PARD3: variants seen among roughly 807,000 people sequenced by gnomAD.
PARD3 encodes par-3 family cell polarity regulator.
In PARD3, 75 loss-of-function variants were observed where a neutral mutation model predicts 155.4. That is an observed-to-expected ratio of 0.48 (90% CI 0.40 to 0.58). PARD3 has a LOEUF of 0.58. Ranked by LOEUF, PARD3 falls within the 20% of genes least tolerant of loss-of-function variation. The probability of loss-of-function intolerance (pLI) is 0.00; values close to 1 mark genes in which losing one functional copy is unlikely to be tolerated. For synonymous variants in PARD3, 576 were observed against 610.5 expected (o/e 0.94, Z 0.83); for missense variants, 1,642 against 1,721.7 (o/e 0.95, Z 0.82).
chr10:34,681,406 GGAGAGAAAGTTA>G (rs1394146243), intron 2 of PARD3, among the ~76,000 whole-genome samples: 1 of 151,868 alleles, frequency 6.6e-6, no homozygotes, highest in Non-Finnish European at 1.5e-5. Context: ...CTTTGGGGAG[GGAGAGAAAGTTA>G]GAACTAGCCC....
intron 1 of PARD3, among the ~76,000 whole-genome samples, chr10:34,770,706 GA>G (rs1838748685): frequency 6.6e-6 from 1 of 152,162 alleles, no homozygotes; most frequent in Non-Finnish European, 1.5e-5. Flanking sequence ...ATCTAATCTA[GA>G]ACTTTTGCTT....
chr10:34,480,155 G>A (rs1032493835), intron 3 of PARD3, among the ~76,000 whole-genome samples: 1 of 152,236 alleles, frequency 6.6e-6, no homozygotes, highest in Admixed American at 6.5e-5. Context: ...GCACAGATAG[G>A]TGTGGAGGAT....
At chr10:34,489,187 A>C (rs1205456212) in intron 3 of PARD3, among the ~76,000 whole-genome samples, 2 of 152,018 alleles carry the variant, frequency 1.3e-5, no homozygotes, top group Non-Finnish European at 2.9e-5. Context: ...AAAATACAAA[A>C]ATTAGTTGGG....
intron 2 of PARD3, among the ~76,000 whole-genome samples, chr10:34,681,366 T>C (rs559227516): frequency 6.6e-6 from 1 of 152,156 alleles, no homozygotes; most frequent in South Asian, 2.1e-4. Context: ...TTGTGTTAAC[T>C]AAAGGTAGAA....
intron 1 of PARD3, among the ~76,000 whole-genome samples, chr10:34,766,092 A>C (rs1250719092): frequency 2.0e-5 from 3 of 152,374 alleles, no homozygotes; most frequent in East Asian, 3.9e-4. Flanking sequence ...ATGAATCAAC[A>C]GTCCAAGTTA....
At chr10:34,374,541 C>T (rs955754949) in intron 11 of PARD3, among the ~76,000 whole-genome samples, 12 of 152,072 alleles carry the variant, frequency 7.9e-5, no homozygotes, top group Non-Finnish European at 1.6e-4. Flanking sequence ...AAGCTTTCAG[C>T]GACAGTCTGT....
chr10:34,619,475 T>C (rs2091481717), intron 2 of PARD3, among the ~76,000 whole-genome samples: 2 of 152,250 alleles, frequency 1.3e-5, no homozygotes. Flanking sequence ...CAAATATTTA[T>C]TGAATGAATA....
intron 22 of PARD3, among the ~76,000 whole-genome samples, chr10:34,216,020 T>C (rs1951986994): frequency 6.6e-6 from 1 of 152,104 alleles, no homozygotes; most frequent in Non-Finnish European, 1.5e-5. Flanking sequence ...GTATTAGAAA[T>C]ACAAAGAGAG....
chr10:34,362,721 C>T (rs1200674836), intron 12 of PARD3, among the ~76,000 whole-genome samples: 2 of 152,202 alleles, frequency 1.3e-5, no homozygotes, highest in African/African-American at 4.8e-5. Flanking sequence ...TTTCAGACTC[C>T]TGGGCTCAAG....
intron 7 of PARD3, among the ~76,000 whole-genome samples, chr10:34,391,950 G>A (rs1281615677): frequency 1.3e-5 from 2 of 152,170 alleles, no homozygotes; most frequent in East Asian, 3.9e-4. Context: ...GAGCTCAGGA[G>A]TTCCAGATCA....
At chr10:34,727,726 C>A (rs979262936) in intron 1 of PARD3, among the ~76,000 whole-genome samples, 1 of 152,126 alleles carries the variant, frequency 6.6e-6, no homozygotes, top group African/African-American at 2.4e-5. Context: ...AACATTCCTC[C>A]AGCCCTGTTA....
intron 24 of PARD3, 41 bp from the exon 25 acceptor site, chr10:34,111,603 A>G (rs769105425): frequency 1.3e-6 from 2 of 1,528,650 alleles, no homozygotes; most frequent in East Asian, 2.3e-5. Context: ...GGGTAGGAAG[A>G]AGGAGGGAGA....
chr10:34,737,583 C>G (rs1230363770), intron 1 of PARD3, among the ~76,000 whole-genome samples: 1 of 152,146 alleles, frequency 6.6e-6, no homozygotes, highest in Non-Finnish European at 1.5e-5. Flanking sequence ...AACTTAATCC[C>G]CAACGCAACA....
intron 2 of PARD3, among the ~76,000 whole-genome samples, chr10:34,555,515 A>G (rs2084913513): frequency 6.6e-6 from 1 of 152,216 alleles, no homozygotes; most frequent in African/African-American, 2.4e-5. Flanking sequence ...AAACAAAACA[A>G]AAGAAGTACA....
intron 1 of PARD3, among the ~76,000 whole-genome samples, chr10:34,792,971 T>C (rs1841848479): frequency 6.6e-6 from 1 of 152,226 alleles, no homozygotes; most frequent in Admixed American, 6.5e-5. Context: ...CATAATCTAC[T>C]TTTGCATCTC....
chr10:34,602,762 A>G (rs1042333208), intron 2 of PARD3, among the ~76,000 whole-genome samples: 2 of 152,202 alleles, frequency 1.3e-5, no homozygotes, highest in South Asian at 4.1e-4. Flanking sequence ...CTGGATACAG[A>G]AAGTGTTCTG....
chr10:34,461,660 TA>T (rs1328120105), intron 4 of PARD3, among the ~76,000 whole-genome samples: 6 of 152,186 alleles, frequency 3.9e-5, no homozygotes, highest in African/African-American at 1.4e-4. Flanking sequence ...GAGATTAAAA[TA>T]TTTTTTCAAT....
chr10:34,260,505 C>T (rs1031263553), intron 22 of PARD3, among the ~76,000 whole-genome samples: 16 of 152,102 alleles, frequency 1.1e-4, no homozygotes, highest in Non-Finnish European at 1.2e-4. Context: ...TGTGGATGGG[C>T]TAGAGGTCTG....
At chr10:34,529,732 T>C (rs1257672585) in intron 2 of PARD3, among the ~76,000 whole-genome samples, 1 of 142,534 alleles carries the variant, frequency 7.0e-6, no homozygotes, top group East Asian at 2.1e-4. Context: ...GAATATATTT[T>C]TTACTTTACT....
Sources: allele counts gnomAD v4.1 joint callset (sites outside exome capture counted in the v4.1 genomes callset), GRCh38; gene constraint gnomAD v4.1.1; transcripts MANE v1.5; gene names NCBI Gene and HGNC (gene_info 2026-07-23, HGNC 2026-07-21).